USP34: variants seen among roughly 807,000 people sequenced by gnomAD.
The protein encoded by USP34 is ubiquitin carboxyl-terminal hydrolase 34.
USP34 carries 70 observed loss-of-function variants against 460.3 expected under a neutral mutation model. The observed-to-expected ratio is 0.15, with a 90% CI of 0.13 to 0.19. The LOEUF is 0.19. USP34 is among the 10% of genes least tolerant of loss of function. USP34 has a pLI of 1.00. For missense variants in USP34, 3,985 were observed against 4,236.2 expected (o/e 0.94, Z 1.65); for synonymous variants, 1,647 against 1,405.3 (o/e 1.17, Z -3.85).
At chr2:61,318,331 T>A (rs1162059757) in intron 22 of USP34, among the ~76,000 whole-genome samples, 2 of 152,120 alleles carry the variant, frequency 1.3e-5, no homozygotes, top group African/African-American at 4.8e-5. Context: ...AAGACAACTA[T>A]CATGCATTGT....
chr2:61,206,121 A>G lies in USP34; in HGVS notation c.9050T>C (p.Val3017Ala). The G allele has an allele frequency of 6.2e-7, 1 of 1,612,910 alleles. No individual in the cohort carries two copies. The highest frequency in any genetic ancestry group is 8.5e-7 in the Non-Finnish European group (1 of 1,179,130). The change falls in exon 72 of 80, where the codon GTG becomes GCG. Residue 3017 changes from valine to alanine, a missense_variant. Around this residue, in one of 14 missense-constraint regions of USP34, gnomAD observed 275 missense variants for 292.7 expected, o/e 0.94. Coordinates refer to ENST00000398571, the MANE Select transcript of USP34 (RefSeq NM_014709.4). Reference protein sequence around the residue: ...STRPYLQRKDVKQALIQWQER... With the variant: ...STRPYLQRKDAKQALIQWQER... ...CTGCCACTGGATTAATGCTTGTTTC[A>G]CATCTGCAAATATAAAAGCACATAT...
chr2:61,404,131 T>C (rs1693800603), intron 3 of USP34, among the ~76,000 whole-genome samples: 1 of 147,778 alleles, frequency 6.8e-6, no homozygotes, highest in African/African-American at 2.5e-5. Flanking sequence ...ACAGGGAAAA[T>C]ATCTGCCCTC....
chr2:61,317,589 A>G (rs1690790743), intron 23 of USP34, 65 bp downstream of exon 23: 1 of 1,420,416 alleles, frequency 7.0e-7, no homozygotes, highest in African/African-American at 1.4e-5. Context: ...AATAATTTGG[A>G]AACCGAATTT....
chr2:61,341,316 C>CA (rs1558538456), intron 16 of USP34, among the ~76,000 whole-genome samples: 1 of 151,950 alleles, frequency 6.6e-6, no homozygotes, highest in African/African-American at 2.4e-5. Flanking sequence ...AAACCTAAGG[C>CA]AAAAAAACTG....
At chr2:61,293,832 T>C (rs774691367) in intron 32 of USP34, among the ~76,000 whole-genome samples, 6 of 151,898 alleles carry the variant, frequency 4.0e-5, no homozygotes, top group African/African-American at 9.7e-5. Flanking sequence ...CTAGACAACA[T>C]AGGAAGACCT....
chr2:61,237,945 G>A (rs1688119176), intron 53 of USP34, among the ~76,000 whole-genome samples: 1 of 151,494 alleles, frequency 6.6e-6, no homozygotes, highest in African/African-American at 2.4e-5. Flanking sequence ...TGCCCAGGCT[G>A]GAGTGCAATG....
chr2:61,389,720 T>C (rs192111269), intron 5 of USP34, among the ~76,000 whole-genome samples: 90 of 152,284 alleles, frequency 5.9e-4, no homozygotes, highest in Non-Finnish European at 3.5e-4. Context: ...CTATTAATCC[T>C]ACAGTGTGTC....
At chr2:61,235,939 T>C in intron 56 of USP34, 29 bp from the exon 57 acceptor site, 1 of 1,605,728 alleles carries the variant, frequency 6.2e-7, no homozygotes, top group South Asian at 1.1e-5. Flanking sequence ...TCAAAGCATA[T>C]GAACTTCTGA....
chr2:61,455,264 C>T (rs146137903), intron 1 of USP34, among the ~76,000 whole-genome samples: 1,567 of 152,128 alleles, frequency 0.01, 26 homozygotes, highest in African/African-American at 0.035. Flanking sequence ...CTGCAACCTC[C>T]GCCTCCCGGG....
In USP34 at chr2:61,222,943, C is replaced by T. The variant is rs1308042780; in HGVS notation, c.7749+117G>A. ...AACTCCTAGGCTCAAGCGATCCTCC[C>T]GCCTTGGCCTCCCAAAGTGCTGGGA... On this transcript the variant is annotated intron_variant, in intron 64 of 79. Transcript: ENST00000398571. 1.2e-5 allele frequency: 11 copies of T among 909,930 alleles called. No homozygotes were observed. In the Admixed American group the frequency reaches 1.9e-4, roughly 16 times the overall value. 56.4% of individuals were successfully genotyped at this position (909,930 alleles called of 1,614,324 possible).
In USP34 at chr2:61,188,508, A is replaced by C. The variant is rs749430369; in HGVS notation, c.10235T>G (p.Val3412Gly). The C allele has an allele frequency of 9.3e-6, 15 of 1,614,082 alleles. No homozygotes were observed. The highest frequency in any genetic ancestry group is 1.3e-5 in the African/African-American group (1 of 74,924). ...QDLPSPENSSVKEYRMEVPSS... is the reference protein window; with the variant it reads ...QDLPSPENSSGKEYRMEVPSS... ...TGGAACTTCCATTCGGTATTCTTTA[A>C]CAGAACTATTTTCAGGGGAAGGAAG... is the stretch of plus-strand genomic sequence containing the variant. Residue 3412 changes from valine to glycine, a missense_variant, in exon 80 of 80, where the codon GTT becomes GGT. Transcript: ENST00000398571.
chr2:61,343,027 C>CA (rs1691654095), intron 16 of USP34, among the ~76,000 whole-genome samples: 1 of 152,084 alleles, frequency 6.6e-6, no homozygotes, highest in Non-Finnish European at 1.5e-5. Context: ...ACATACAAAT[C>CA]AGTAAATTGT....
intron 2 of USP34, among the ~76,000 whole-genome samples, chr2:61,417,744 CT>C (rs55680146): frequency 0.74 from 66,225 of 89,442 alleles, 22,415 homozygotes; most frequent in East Asian, 0.91. Context: ...TTTTTCTTTT[CT>C]TTTTTTTTTT....
intron 67 of USP34, among the ~76,000 whole-genome samples, chr2:61,216,647 G>C (rs918104047): frequency 6.6e-6 from 1 of 151,584 alleles, no homozygotes; most frequent in East Asian, 1.9e-4. Context: ...GGCTGGGTAC[G>C]GTGACTCATG....
chr2:61,195,339 C>G (rs1382089420), intron 75 of USP34, among the ~76,000 whole-genome samples: 1 of 148,194 alleles, frequency 6.7e-6, no homozygotes, highest in African/African-American at 2.5e-5. Flanking sequence ...GCCATCATAT[C>G]CGGCTGGCTT....
At chr2:61,203,354 G>C in intron 74 of USP34, 91 bp from the exon 75 acceptor site, 1 of 1,210,486 alleles carries the variant, frequency 8.3e-7, no homozygotes, top group Non-Finnish European at 1.1e-6. Flanking sequence ...CTAAAAAGCT[G>C]ATTCAATATT....
intron 43 of USP34, among the ~76,000 whole-genome samples, chr2:61,264,105 C>CA (rs1051925831): frequency 8.7e-4 from 132 of 152,136 alleles, no homozygotes; most frequent in African/African-American, 3.1e-3. Flanking sequence ...ATGGGTATAC[C>CA]AAATTTATTC....
chr2:61,388,699 T>C (rs1398279631), intron 5 of USP34, among the ~76,000 whole-genome samples: 2 of 151,830 alleles, frequency 1.3e-5, no homozygotes, highest in Non-Finnish European at 2.9e-5. Context: ...GAGCTTGCAG[T>C]GAGCTGAGAT....
intron 33 of USP34, among the ~76,000 whole-genome samples, chr2:61,291,071 A>G (rs573846781): frequency 6.6e-6 from 1 of 152,290 alleles, no homozygotes; most frequent in African/African-American, 2.4e-5. Flanking sequence ...CACTGTAAGG[A>G]ATCAGTATCT....
Sources: gnomAD v4.1 joint callset for allele counts (sites outside exome capture counted in the v4.1 genomes callset) on GRCh38, gnomAD v4.1.1 for gene constraint, gnomAD v4.1.1 regional missense constraint, MANE v1.5 for transcripts, NCBI Gene and HGNC (gene_info 2026-07-23, HGNC 2026-07-21) for gene names.